NPAS2: variants seen among roughly 807,000 people sequenced by gnomAD.
NPAS2 encodes the protein neuronal PAS domain protein 2, also known as neuronal PAS domain-containing protein 2.
NPAS2 carries 23 observed loss-of-function variants against 107.5 expected under a neutral mutation model. The ratio of observed to expected loss-of-function variants is 0.21; its 90% CI spans 0.15 to 0.30. The LOEUF is 0.30. NPAS2 is among the 10% of genes least tolerant of loss of function. The pLI is 1.00. For synonymous variants in NPAS2, 403 were observed against 417.5 expected (o/e 0.97, Z 0.42); for missense variants, 756 against 1,043.3 (o/e 0.72, Z 3.79).
intron 1 of NPAS2, among the ~76,000 whole-genome samples, chr2:100,888,894 T>C (rs541619269): frequency 6.6e-6 from 1 of 152,316 alleles, no homozygotes; most frequent in African/African-American, 2.4e-5. Flanking sequence ...GGGTGAATTA[T>C]GCCTTAACTG....
rs1024484359 is a variant in NPAS2 at position 100,839,970 on chromosome 2, T to G, written c.-23+19556T>G. On this transcript the variant is annotated intron_variant, in intron 1 of 20. Transcript: ENST00000335681. ...TAACTTGAAAATTGCTCATGGTTAG[T>G]AGATGCAGAGTGCGTGAAGGCAGAT... 2.6e-5 allele frequency among the ~76,000 whole-genome samples: 4 copies of G among 152,190 alleles called. No homozygotes were observed. The East Asian group carries it at 7.7e-4, about 29-fold the overall frequency.
At position 100,846,381 on chromosome 2, in the gene NPAS2, A is replaced by G. The variant is rs555926726; in HGVS notation, c.-23+25967A>G. 1.3e-3 allele frequency among the ~76,000 whole-genome samples: 194 copies of G among 152,360 alleles called. 3 individuals carry two copies. Among genetic ancestry groups the G allele is most frequent in the Admixed American group, 0.013 (192 of 15,300 alleles). On this transcript the variant is annotated intron_variant, in intron 1 of 20. Transcript: ENST00000335681. ...AATGTGATGTTGGGTTTTGAAAGAC[A>G]TCTGTAATTTTTGAAGAGGGGATGG...
intron 1 of NPAS2, among the ~76,000 whole-genome samples, chr2:100,878,787 C>T (rs74263208): frequency 1.3e-5 from 2 of 152,084 alleles, no homozygotes; most frequent in African/African-American, 2.4e-5. Context: ...AAACGTTCAC[C>T]GCTAATTTTT....
At chr2:100,984,036 T>C (rs1677633233) in intron 16 of NPAS2, 2 of 152,208 alleles carry the variant, frequency 1.3e-5, no homozygotes, top group Non-Finnish European at 2.9e-5. Flanking sequence ...TATAACAAAG[T>C]ATTTTTCCTC....
chr2:100,940,945 G>A (rs545993904), intron 5 of NPAS2, among the ~76,000 whole-genome samples: 1 of 152,334 alleles, frequency 6.6e-6, no homozygotes, highest in African/African-American at 2.4e-5. Context: ...GGGGCAGGAG[G>A]CTGTGGGCCC....
intron 1 of NPAS2, among the ~76,000 whole-genome samples, chr2:100,834,318 C>T (rs1326812883): frequency 6.6e-6 from 1 of 152,164 alleles, no homozygotes; most frequent in Non-Finnish European, 1.5e-5. Flanking sequence ...GCCTGAATCG[C>T]CTTATCTCTC....
At chr2:100,988,972 AGGC>A (rs1677951527) in intron 17 of NPAS2, 2 of 65,332 alleles carry the variant, frequency 3.1e-5, no homozygotes, top group Non-Finnish European at 3.4e-5. Flanking sequence ...CTGCTCCTCC[AGGC>A]CCCCCTGCTC....
intron 7 of NPAS2, among the ~76,000 whole-genome samples, chr2:100,958,572 T>TA (rs1337669401): frequency 6.6e-6 from 1 of 152,070 alleles, no homozygotes; most frequent in African/African-American, 2.4e-5. Flanking sequence ...AAAATCACTG[T>TA]AAAAAAATTG....
chr2:100,990,662 G>A (rs1373644198), intron 18 of NPAS2, 118 bp from the exon 19 acceptor site: 39 of 1,068,446 alleles, frequency 3.7e-5, no homozygotes, highest in Non-Finnish European at 5.4e-5. Context: ...GAAGCCAGGA[G>A]AGTGGGGATT....
At chr2:100,856,643 G>A (rs756587809) in intron 1 of NPAS2, among the ~76,000 whole-genome samples, 14 of 148,552 alleles carry the variant, frequency 9.4e-5, no homozygotes, top group Non-Finnish European at 1.5e-4. Flanking sequence ...CACACTCCGA[G>A]TGCATTGCAT....
At chr2:100,851,081 C>T (rs1433105561) in intron 1 of NPAS2, among the ~76,000 whole-genome samples, 2 of 151,442 alleles carry the variant, frequency 1.3e-5, no homozygotes, top group Non-Finnish European at 2.9e-5. Context: ...CATGATTCCA[C>T]CTAGATGAGG....
chr2:100,934,526 A>G (rs1347150375), intron 4 of NPAS2, among the ~76,000 whole-genome samples: 2 of 152,130 alleles, frequency 1.3e-5, no homozygotes, highest in Non-Finnish European at 2.9e-5. Flanking sequence ...GTGGAAAGGA[A>G]ATCATGCTAG....
chr2:100,821,045 G>A (rs1676039286), intron 1 of NPAS2: 1 of 1,303,850 alleles, frequency 7.7e-7, no homozygotes, highest in Non-Finnish European at 1.0e-6. Context: ...GTATGGTTTT[G>A]TTGGGAGATG....
chr2:100,935,363 C>T (rs537820245), intron 4 of NPAS2, among the ~76,000 whole-genome samples: 6 of 152,148 alleles, frequency 3.9e-5, no homozygotes, highest in East Asian at 1.9e-4. Context: ...TAATGTGTGG[C>T]GGTTAGAAAA....
chr2:100,975,358 G>A (rs1437967030), intron 13 of NPAS2, 100 bp from the exon 14 acceptor site: 13 of 999,910 alleles, frequency 1.3e-5, no homozygotes, highest in African/African-American at 3.3e-5. Flanking sequence ...GATCCCAAGC[G>A]AGCTCTTGTA....
intron 5 of NPAS2, among the ~76,000 whole-genome samples, chr2:100,947,649 A>G (rs138529435): frequency 6.6e-6 from 1 of 152,278 alleles, no homozygotes; most frequent in Non-Finnish European, 1.5e-5. Flanking sequence ...TGTTACGGGC[A>G]GCACAGATTA....
intron 1 of NPAS2, among the ~76,000 whole-genome samples, chr2:100,883,897 T>A (rs571026676): frequency 8.9e-5 from 12 of 134,946 alleles, no homozygotes; most frequent in African/African-American, 3.1e-4. Flanking sequence ...TACACCTCCC[T>A]ACTGGTTAGG....
At chr2:100,823,011 C>T (rs1676165132) in intron 1 of NPAS2, among the ~76,000 whole-genome samples, 1 of 152,138 alleles carries the variant, frequency 6.6e-6, no homozygotes, top group South Asian at 2.1e-4. Context: ...GATGGGAGGT[C>T]AGGGACTGTC....
chr2:100,842,051 G>A (rs1265909948), intron 1 of NPAS2, among the ~76,000 whole-genome samples: 1 of 140,476 alleles, frequency 7.1e-6, no homozygotes, highest in Non-Finnish European at 1.6e-5. Flanking sequence ...ATGTGCACAT[G>A]CATGTTCATG....
Sources: gnomAD v4.1 joint callset for allele counts (sites outside exome capture counted in the v4.1 genomes callset) on GRCh38, gnomAD v4.1.1 for gene constraint, MANE v1.5 for transcripts, NCBI Gene and HGNC (gene_info 2026-07-23, HGNC 2026-07-21) for gene names.